The following UBR2 variants were observed in gnomAD, a reference collection of about 807,000 sequenced individuals.
UBR2 encodes E3 ubiquitin-protein ligase UBR2.
Under a neutral mutation model 247.9 loss-of-function variants are expected in UBR2, and 92 were observed. That is an observed-to-expected ratio of 0.37 (90% CI 0.31 to 0.44). The LOEUF (loss-of-function observed/expected upper bound fraction) is 0.44. Ranked by LOEUF, UBR2 falls within the 20% of genes least tolerant of loss-of-function variation. UBR2 has a pLI of 1.00. For synonymous variants in UBR2, 672 were observed against 693.5 expected, an observed-to-expected ratio of 0.97 and a Z score of 0.49; for missense variants, 1,613 against 2,112.6, an observed-to-expected ratio of 0.76 and a Z score of 4.64.
intron 4 of UBR2, among the ~76,000 whole-genome samples, chr6:42,597,199 C>G (rs1793030470): frequency 6.6e-6 from 1 of 152,074 alleles, no homozygotes; most frequent in Non-Finnish European, 1.5e-5. Context: ...CAGCAAGCTC[C>G]CCTGCCTAGC....
At chr6:42,592,128 A>ATT (rs3834849) in intron 2 of UBR2, 23 bp from the exon 3 acceptor site, 25 of 1,187,880 alleles carry the variant, frequency 2.1e-5, no homozygotes, top group Admixed American at 1.3e-4. Flanking sequence ...TGACACTTTG[A>ATT]TTTTTTTTTT....
At chr6:42,620,481 G>GTTTTTTT (rs796314344) in intron 11 of UBR2, 27 of 66,662 alleles carry the variant, frequency 4.1e-4, no homozygotes, top group African/African-American at 9.7e-4. Flanking sequence ...ATTAAGTGTT[G>GTTTTTTT]TTTTTTTTTT....
chr6:42,681,441 G>A (rs1314894352), intron 42 of UBR2, among the ~76,000 whole-genome samples: 2 of 152,026 alleles, frequency 1.3e-5, no homozygotes, highest in Admixed American at 6.6e-5. Context: ...TAAAAAATAG[G>A]TAAAGGGCTT....
rs1460144216 is a variant in UBR2 at position 42,659,556 on chromosome 6, CACACACT to C, written c.3243-93_3243-87del. 67 of 793,924 alleles carry C rather than the reference CACACACT, an allele frequency of 8.4e-5. No individual in the cohort carries two copies. The African/African-American group carries it at 8.7e-4, about 10-fold the overall frequency. The allele number at this position is 793,924 out of a possible 1,614,324, so 49.2% of individuals were successfully genotyped here. On this transcript the variant is annotated intron_variant, in intron 29 of 46. Coordinates refer to ENST00000372901, the MANE Select transcript of UBR2 (RefSeq NM_001363705.2). The surrounding 1 kb of genome is among the most constrained non-coding windows in gnomAD (Gnocchi z 4.3). ...ACACACACACACACACACACACACA[CACACACT>C]ACACACACACACACATACCTGTAGT...
intron 44 of UBR2, among the ~76,000 whole-genome samples, chr6:42,686,171 A>G (rs1582737208): frequency 6.6e-6 from 1 of 152,190 alleles, no homozygotes; most frequent in African/African-American, 2.4e-5. Flanking sequence ...AGGGAAGGTC[A>G]GCAGATAAAG....
intron 11 of UBR2, 52 bp downstream of exon 11, chr6:42,617,559 TTAAAA>T: frequency 6.7e-7 from 1 of 1,483,366 alleles, no homozygotes; most frequent in African/African-American, 1.4e-5. Flanking sequence ...AACAGAGGCC[TTAAAA>T]TAATAGAGAA....
intron 44 of UBR2, among the ~76,000 whole-genome samples, chr6:42,685,880 A>C (rs1269627418): frequency 6.6e-6 from 1 of 152,056 alleles, no homozygotes; most frequent in Non-Finnish European, 1.5e-5. Flanking sequence ...GTCTCAAAAA[A>C]AAAAAGAAGA....
chr6:42,611,476 T>G (rs1353424974), intron 7 of UBR2, among the ~76,000 whole-genome samples: 1 of 146,440 alleles, frequency 6.8e-6, no homozygotes, highest in Non-Finnish European at 1.5e-5. Flanking sequence ...AAAAAAAAAG[T>G]TGATAACATC....
intron 6 of UBR2, 91 bp from the exon 7 acceptor site, chr6:42,606,498 G>T (rs1176825087): frequency 7.2e-6 from 8 of 1,110,694 alleles, no homozygotes; most frequent in South Asian, 5.5e-5. Flanking sequence ...GATCAGAATT[G>T]TTATATGCTT....
At chr6:42,686,680 G>T (rs377249376) in intron 44 of UBR2, among the ~76,000 whole-genome samples, 1 of 121,324 alleles carries the variant, frequency 8.2e-6, no homozygotes, top group African/African-American at 3.1e-5. Context: ...CCCACCTCCC[G>T]GACGGGGCGG....
intron 40 of UBR2, 131 bp downstream of exon 40, chr6:42,677,004 T>G: frequency 1.4e-6 from 1 of 712,660 alleles, no homozygotes; most frequent in East Asian, 2.7e-5. Flanking sequence ...AGACGTGGAG[T>G]GATCTGCAGA....
chr6:42,576,400 A>G (rs1400058484), intron 2 of UBR2, among the ~76,000 whole-genome samples: 5 of 151,472 alleles, frequency 3.3e-5, no homozygotes, highest in Non-Finnish European at 5.9e-5. Context: ...ATATTTGCTT[A>G]TTTAATTATT....
Position 42,655,639 on chromosome 6 carries a change from A to T in UBR2, c.2788A>T (p.Met930Leu). Residue 930 changes from methionine to leucine, a missense_variant, in exon 26 of 47, where the codon ATG becomes TTG. This residue lies in a region of UBR2 where 1,524 missense variants were observed against 1,967.3 expected (regional missense o/e 0.77). Coordinates refer to ENST00000372901, the MANE Select transcript of UBR2 (RefSeq NM_001363705.2). ...MLQRVLHLIG[M>L]ALQEEKQHLE... ...ATTCAAGGTGTTACATTTAATTGGC[A>T]TGGCACTACAAGAAGAAAAACAACA... 5.1e-6 allele frequency: 8 copies of T among 1,554,912 alleles called. No individual in the cohort carries two copies. Among genetic ancestry groups the T allele is most frequent in the Non-Finnish European group, 6.9e-6 (8 of 1,161,760 alleles).
At position 42,670,221 on chromosome 6, in the gene UBR2, G is replaced by A. The variant is rs766256709; in HGVS notation, c.4011G>A (p.Ala1337=). Residue 1337 remains alanine (A), a synonymous_variant, in exon 35 of 47, where the codon GCG becomes GCA. Coordinates refer to ENST00000372901, the MANE Select transcript of UBR2 (RefSeq NM_001363705.2). The part of the protein sequence containing the change: ...RVPIMCWGSC[A]YTIQSIERIL... ...CCATAATGTGTTGGGGTAGCTGCGC[G>A]TACACCATCCAAAGCATAGGTAAGA... 13 of 1,613,910 alleles carry A rather than the reference G, an allele frequency of 8.1e-6. No individual in the cohort carries two copies. The highest frequency in any genetic ancestry group is 4.0e-5 in the African/African-American group (3 of 74,904).
At chr6:42,605,684 CAAAT>C in intron 5 of UBR2, 33 bp from the exon 6 acceptor site, 1 of 1,575,792 alleles carries the variant, frequency 6.3e-7, no homozygotes. Context: ...AGATAATAAA[CAAAT>C]AGATAATATA....
intron 34 of UBR2, 30 bp from the exon 35 acceptor site, chr6:42,670,062 C>G (rs1433916300): frequency 6.2e-7 from 1 of 1,610,338 alleles, no homozygotes; most frequent in Non-Finnish European, 8.5e-7. Flanking sequence ...GCACATTGTT[C>G]TGAGCTAATT....
intron 38 of UBR2, among the ~76,000 whole-genome samples, chr6:42,674,894 G>A (rs1294180332): frequency 2.0e-5 from 3 of 152,158 alleles, no homozygotes; most frequent in Non-Finnish European, 2.9e-5. Context: ...TCAGGGAAAG[G>A]TATGTCCTCT....
At chr6:42,637,327 A>G (rs1796159748) in intron 15 of UBR2, 133 bp downstream of exon 15, 1 of 1,022,174 alleles carries the variant, frequency 9.8e-7, no homozygotes, top group Admixed American at 2.8e-5. Context: ...TCCAATCATC[A>G]CATCGTCCTG....
intron 2 of UBR2, among the ~76,000 whole-genome samples, chr6:42,575,234 G>C (rs907069021): frequency 6.6e-6 from 1 of 152,106 alleles, no homozygotes; most frequent in African/African-American, 2.4e-5. Context: ...CTGTAAAACT[G>C]AAATTTAATA....
Sources: gnomAD v4.1 joint callset for allele counts (sites outside exome capture counted in the v4.1 genomes callset) on GRCh38, gnomAD v4.1.1 for gene constraint, gnomAD v4.1.1 regional missense constraint, Gnocchi (gnomAD v3.1) non-coding constraint, MANE v1.5 for transcripts, NCBI Gene and HGNC (gene_info 2026-07-23, HGNC 2026-07-21) for gene names.